Variants in KLF8 observed in about 807,000 individuals in gnomAD.
The protein encoded by KLF8 is KLF transcription factor 8.
Under a neutral mutation model 18.2 loss-of-function variants are expected in KLF8, and 10 were observed. The observed-to-expected ratio is 0.55, with a 90% confidence interval of 0.34 to 0.93. The LOEUF is 0.93. Among genes scored for constraint, KLF8 ranks in the 40% least tolerant of loss-of-function variants. The pLI is 0.02. For missense variants in KLF8, 264 were observed against 277.9 expected (o/e 0.95, Z 0.36); for synonymous variants, 109 against 97.3 (o/e 1.12, Z -0.71).
chrX:56,133,806 A>T, the KLF8 span, among the ~76,000 whole-genome samples: 1 of 111,609 alleles, frequency 9.0e-6, no homozygotes, highest in Non-Finnish European at 1.9e-5. Flanking sequence ...TGATAAATGA[A>T]TTTAGAAAAG....
At chrX:56,129,993 C>A in the KLF8 span, among the ~76,000 whole-genome samples, 1 of 110,336 alleles carries the variant, frequency 9.1e-6, no homozygotes, top group Non-Finnish European at 1.9e-5. Flanking sequence ...ATACCCCCAA[C>A]CTCCCAACCC....
the KLF8 span, among the ~76,000 whole-genome samples, chrX:56,060,116 A>G: frequency 1.8e-5 from 2 of 111,508 alleles, no homozygotes; most frequent in Non-Finnish European, 3.8e-5. Context: ...TAAATATACA[A>G]TCATGTGATC....
chrX:55,953,396 A>G, the KLF8 span, among the ~76,000 whole-genome samples: 6 of 110,462 alleles, frequency 5.4e-5, no homozygotes. Flanking sequence ...TTAAGATGGC[A>G]TTTCTCCTCC....
chrX:56,047,363 C>T, the KLF8 span, among the ~76,000 whole-genome samples: 1 of 107,964 alleles, frequency 9.3e-6, no homozygotes, highest in South Asian at 4.1e-4. Flanking sequence ...TGTGCAGCAC[C>T]CATTAACTCA....
chrX:56,024,767 C>G, the KLF8 span, among the ~76,000 whole-genome samples: 2 of 111,698 alleles, frequency 1.8e-5, no homozygotes, highest in Non-Finnish European at 1.9e-5. Context: ...ACATCGGTTG[C>G]TAGGTCATGG....
At chrX:56,266,274 T>A (rs1021156474) in intron 3 of KLF8, 1 of 751,906 alleles carries the variant, frequency 1.3e-6, no homozygotes, top group Non-Finnish European at 1.6e-6. Flanking sequence ...CCCTTTTCTC[T>A]TCCCTACAAA....
the KLF8 span, among the ~76,000 whole-genome samples, chrX:56,104,182 G>C: frequency 9.0e-6 from 1 of 110,916 alleles, no homozygotes; most frequent in African/African-American, 3.3e-5. Flanking sequence ...TCTTTTTTTT[G>C]TTGTGTTTCT....
chrX:55,910,074 G>A, the KLF8 span, among the ~76,000 whole-genome samples: 3 of 111,980 alleles, frequency 2.7e-5, no homozygotes, highest in African/African-American at 9.7e-5. Flanking sequence ...TTTTTGTTTG[G>A]TCAATGGAAT....
the KLF8 span, among the ~76,000 whole-genome samples, chrX:56,049,955 G>A: frequency 9.1e-6 from 1 of 110,263 alleles, no homozygotes; most frequent in African/African-American, 3.3e-5. Flanking sequence ...TCCTGTTATT[G>A]GTCTATTCAG....
chrX:56,196,512 A>T, the KLF8 span, among the ~76,000 whole-genome samples: 1 of 112,368 alleles, frequency 8.9e-6, no homozygotes, highest in Non-Finnish European at 1.9e-5. Context: ...GCCATTACAT[A>T]ATGGTAAAGG....
chrX:56,179,757 TTTTGTC>T, the KLF8 span, among the ~76,000 whole-genome samples: 1 of 111,819 alleles, frequency 8.9e-6, no homozygotes, highest in Admixed American at 9.5e-5. Context: ...ATCATGTGGT[TTTTGTC>T]TTTGCTTCTG....
the KLF8 span, among the ~76,000 whole-genome samples, chrX:55,922,428 A>C: frequency 8.9e-6 from 1 of 112,330 alleles, no homozygotes; most frequent in Non-Finnish European, 1.9e-5. Context: ...GCATGGATAC[A>C]GGGAGGGGAA....
At chrX:56,024,875 A>C in the KLF8 span, among the ~76,000 whole-genome samples, 1 of 112,299 alleles carries the variant, frequency 8.9e-6, no homozygotes, top group Admixed American at 9.4e-5. Context: ...TCTTCTTAAA[A>C]TGGGTACTGA....
At chrX:56,040,482 T>A in the KLF8 span, among the ~76,000 whole-genome samples, 1 of 106,500 alleles carries the variant, frequency 9.4e-6, no homozygotes, top group African/African-American at 3.9e-5. Context: ...ATTTATATAA[T>A]CATGTGGTTT....
At chrX:56,192,624 C>G in the KLF8 span, among the ~76,000 whole-genome samples, 2 of 111,487 alleles carry the variant, frequency 1.8e-5, no homozygotes, top group African/African-American at 6.5e-5. Flanking sequence ...ACACATAGAC[C>G]GGTGGAAAAG....
At chrX:56,261,197 A>C (rs1159368523) in intron 2 of KLF8, among the ~76,000 whole-genome samples, 1 of 111,547 alleles carries the variant, frequency 9.0e-6, no homozygotes, top group East Asian at 2.8e-4. Context: ...TTGTCCACTC[A>C]AATTGGCTTA....
At chrX:56,035,209 G>C in the KLF8 span, among the ~76,000 whole-genome samples, 4 of 111,852 alleles carry the variant, frequency 3.6e-5, no homozygotes, top group African/African-American at 1.3e-4. Context: ...ATGACTGAGA[G>C]CATACATGGT....
the KLF8 span, among the ~76,000 whole-genome samples, chrX:56,092,530 A>G: frequency 2.7e-5 from 3 of 111,366 alleles, no homozygotes; most frequent in Admixed American, 9.6e-5. Flanking sequence ...TCCCAGCACC[A>G]CTTATTTAAG....
the KLF8 span, among the ~76,000 whole-genome samples, chrX:55,966,334 T>G: frequency 1.7e-4 from 19 of 112,424 alleles, no homozygotes; most frequent in Admixed American, 8.4e-4. Flanking sequence ...GCTTCAGGTC[T>G]GTCCCAGCAC....
Sources: gnomAD v4.1 joint callset for allele counts (sites outside exome capture counted in the v4.1 genomes callset) on GRCh38, gnomAD v4.1.1 for gene constraint, MANE v1.5 for transcripts, NCBI Gene and HGNC (gene_info 2026-07-23, HGNC 2026-07-21) for gene names.